The following RTCB variants were observed in gnomAD, a reference collection of about 807,000 sequenced individuals.
RTCB encodes the protein RNA 2',3'-cyclic phosphate and 5'-OH ligase.
A neutral mutation model predicts 58.2 loss-of-function variants in RTCB; 32 were observed. The ratio of observed to expected loss-of-function variants is 0.55; its 90% CI spans 0.41 to 0.74. The LOEUF (loss-of-function observed/expected upper bound fraction) is 0.74. Ranked by LOEUF, RTCB falls within the 30% of genes least tolerant of loss-of-function variation. RTCB has a pLI of 0.00. For missense variants in RTCB, 523 were observed against 639.0 expected, an observed-to-expected ratio of 0.82 and a Z score of 1.96; for synonymous variants, 247 against 218.6, an observed-to-expected ratio of 1.13 and a Z score of -1.15.
intron 7 of RTCB, among the ~76,000 whole-genome samples, chr22:32,396,937 G>A (rs554530278): frequency 6.6e-6 from 1 of 152,188 alleles, no homozygotes; most frequent in South Asian, 2.1e-4. Flanking sequence ...TGACAACTGC[G>A]TCTGTTGCCC....
At chr22:32,390,846 A>G (rs1455778414) in intron 11 of RTCB, among the ~76,000 whole-genome samples, 2 of 152,240 alleles carry the variant, frequency 1.3e-5, no homozygotes, top group African/African-American at 4.8e-5. Context: ...ACTCTGACTC[A>G]GTAATTCCAC....
At position 32,392,212 on chromosome 22, in the gene RTCB, T is replaced by C. The variant is rs773652941; in HGVS notation, c.1410+28A>G. 3 of 1,598,364 alleles carry C rather than the reference T, an allele frequency of 1.9e-6. No homozygotes were observed. The Admixed American group carries it at 5.2e-5, about 28-fold the overall frequency. On this transcript the variant is annotated intron_variant, in intron 11 of 11. Transcript: ENST00000216038. ...AATTACAAATGGGGAACAATAAATATTCATGTATTTATCAAAATTTCACTT... is the reference window on the plus strand; with the variant it reads ...AATTACAAATGGGGAACAATAAATACTCATGTATTTATCAAAATTTCACTT...
chr22:32,398,031 C>A lies in RTCB; in HGVS notation c.724G>T (p.Ala242Ser), dbSNP rs1020333555. Residue 242 changes from alanine (A) to serine (S), a missense_variant, in exon 7 of 12, where the codon GCT becomes TCT. This residue lies in a region of RTCB where 141 missense variants were observed against 216.7 expected (regional missense o/e 0.65). Transcript: ENST00000216038. ...TGGTCGATGCCCATTTTTTTAGCAGCATACTCATTGAAAATCTCATCCACA... is the reference window on the plus strand; with the variant it reads ...TGGTCGATGCCCATTTTTTTAGCAGAATACTCATTGAAAATCTCATCCACA... ...QVVDEIFNEY[A>S]AKKMGIDHKG... 1.8e-5 allele frequency: 29 copies of A among 1,614,162 alleles called. No individual in the cohort carries two copies. Among genetic ancestry groups the A allele is most frequent in the Non-Finnish European group, 2.5e-5 (29 of 1,180,028 alleles).
intron 1 of RTCB, among the ~76,000 whole-genome samples, chr22:32,411,499 C>G (rs1402073478): frequency 6.6e-6 from 1 of 152,142 alleles, no homozygotes; most frequent in Non-Finnish European, 1.5e-5. Flanking sequence ...CCGACAGATC[C>G]TCGAGGTCCT....
At chr22:32,411,052 A>G (rs1933513607) in intron 1 of RTCB, among the ~76,000 whole-genome samples, 1 of 152,084 alleles carries the variant, frequency 6.6e-6, no homozygotes, top group Admixed American at 6.6e-5. Context: ...AACGGTTTCC[A>G]CACAAAGAAA....
chr22:32,405,268 A>G (rs73881694), intron 4 of RTCB, among the ~76,000 whole-genome samples: 5,272 of 152,288 alleles, frequency 0.035, 289 homozygotes, highest in African/African-American at 0.12. Context: ...TAAGGTAAAC[A>G]TTGATAAGAG....
chr22:32,393,802 A>G (rs1933195861), intron 10 of RTCB, 90 bp downstream of exon 10: 1 of 888,020 alleles, frequency 1.1e-6, no homozygotes, highest in South Asian at 1.4e-5. Flanking sequence ...CAACTCTGTT[A>G]ATGTTCAATC....
intron 10 of RTCB, 28 bp downstream of exon 10, chr22:32,393,864 T>C: frequency 6.8e-7 from 1 of 1,474,962 alleles, no homozygotes; most frequent in South Asian, 1.1e-5. Flanking sequence ...GAAGAGAGCA[T>C]TTCTAAGGAA....
intron 11 of RTCB, 147 bp from the exon 12 acceptor site, chr22:32,388,246 A>G (rs1202731001): frequency 1.7e-6 from 1 of 584,264 alleles, no homozygotes; most frequent in Non-Finnish European, 3.0e-6. Context: ...AATTTAAAAA[A>G]GAAGTAAGCC....
In RTCB at chr22:32,411,775, A is replaced by AAT. The variant is rs147396304; in HGVS notation, c.93+288_93+289insAT. On this transcript the variant is annotated intron_variant, in intron 1 of 11. Transcript: ENST00000216038. ...TAAAACAGCTCACGATACGTTTATGAGACTGATCTGTGAAAACGCTTTGGA... is the reference window on the plus strand; with the variant it reads ...TAAAACAGCTCACGATACGTTTATGAATGACTGATCTGTGAAAACGCTTTGGA... 1.2e-3 allele frequency among the ~76,000 whole-genome samples: 179 copies of AAT among 152,268 alleles called. 2 individuals carry two copies. The East Asian group carries it at 0.032, about 27-fold the overall frequency.
rs1032733510 is a variant in RTCB at position 32,412,230 on chromosome 22, G to A, written c.-74C>T. 6 of 1,285,948 alleles carry A rather than the reference G, an allele frequency of 4.7e-6. No homozygotes were observed. In the African/African-American group the frequency reaches 7.5e-5, roughly 16 times the overall value. 79.7% of individuals were successfully genotyped at this position (1,285,948 alleles called of 1,614,324 possible). ...CTGCCGCGTAGTCCGGCTTCTCAGA[G>A]CACCGCCTTCCAAGAACCAAAGCGC... On this transcript the variant is annotated 5_prime_UTR_variant, in exon 1 of 12. Transcript: ENST00000216038.
At chr22:32,399,249 G>C (rs778030124) in intron 6 of RTCB, among the ~76,000 whole-genome samples, 19 of 151,964 alleles carry the variant, frequency 1.3e-4, no homozygotes, top group Middle Eastern at 3.4e-3. Context: ...CAGTCCTCCT[G>C]TCTTAGCCTT....
At chr22:32,403,388 C>T (rs909971257) in intron 4 of RTCB, among the ~76,000 whole-genome samples, 5 of 150,946 alleles carry the variant, frequency 3.3e-5, no homozygotes, top group Non-Finnish European at 5.9e-5. Context: ...GCCCGGGCAA[C>T]AGAGCGAGAC....
At chr22:32,402,024 AGAC>A in intron 4 of RTCB, 121 bp from the exon 5 acceptor site, 1 of 1,079,184 alleles carries the variant, frequency 9.3e-7, no homozygotes, top group East Asian at 2.6e-5. Flanking sequence ...GTTTTAAAGT[AGAC>A]AACAAAGTGG....
intron 7 of RTCB, among the ~76,000 whole-genome samples, chr22:32,397,441 TTTTAATA>T (rs766935798): frequency 3.5e-4 from 53 of 152,336 alleles, no homozygotes; most frequent in Non-Finnish European, 7.2e-4. Context: ...AATTGCTACC[TTTTAATA>T]TTTATTTTTT....
In RTCB at chr22:32,392,245, C is replaced by A; in HGVS notation, c.1405G>T (p.Glu469Ter). The A allele has an allele frequency of 1.2e-6, 2 of 1,609,666 alleles. No homozygotes were observed. Among genetic ancestry groups the A allele is most frequent in the Non-Finnish European group, 1.7e-6 (2 of 1,178,534 alleles). ...TTTATCAAAATTTCACTTACCTCTT[C>A]CATAACCAGTTTGGGTGAGGCAACA... ...IRVASPKLVM[E>*]EAPESYKNVT... The change falls in exon 11 of 12, where the codon GAA becomes TAA. Residue 469 changes from glutamate to a stop codon, truncating the protein, a stop_gained. Coordinates refer to ENST00000216038, the MANE Select transcript of RTCB (RefSeq NM_014306.5). LOFTEE classifies it high-confidence loss of function.
chr22:32,405,218 T>C (rs1342984160), intron 4 of RTCB, among the ~76,000 whole-genome samples: 1 of 152,188 alleles, frequency 6.6e-6, no homozygotes, highest in Non-Finnish European at 1.5e-5. Flanking sequence ...GACATGTACT[T>C]ATATATTCTT....
At chr22:32,388,151 T>C (rs1271530883) in intron 11 of RTCB, 52 bp from the exon 12 acceptor site, 7 of 1,097,414 alleles carry the variant, frequency 6.4e-6, no homozygotes, top group Middle Eastern at 2.0e-4. Context: ...ACACAGTCTT[T>C]ACAAGCACCA....
At chr22:32,394,985 G>A (rs56101849) in intron 9 of RTCB, 41 bp downstream of exon 9, 91,718 of 1,515,944 alleles carry the variant, frequency 0.061, 3,161 homozygotes, top group South Asian at 0.1. Context: ...AATCTAAATC[G>A]TGCCCCCACT....
Sources: allele counts gnomAD v4.1 joint callset (sites outside exome capture counted in the v4.1 genomes callset), GRCh38; gene constraint gnomAD v4.1.1; regional missense constraint gnomAD v4.1.1; transcripts MANE v1.5; gene names NCBI Gene and HGNC (gene_info 2026-07-23, HGNC 2026-07-21).